IL1RAPL1: variants seen among roughly 807,000 people sequenced by gnomAD.
IL1RAPL1 encodes the protein interleukin 1 receptor accessory protein like 1, also known as interleukin-1 receptor accessory protein-like 1.
A neutral mutation model predicts 48.4 loss-of-function variants in IL1RAPL1; 3 were observed. The ratio of observed to expected loss-of-function variants is 0.06; its 90% confidence interval spans 0.03 to 0.16. IL1RAPL1 has a LOEUF of 0.16. Among genes scored for constraint, IL1RAPL1 ranks in the 10% least tolerant of loss-of-function variants. The probability of loss-of-function intolerance (pLI) is 1.00; values close to 1 mark genes in which losing one functional copy is unlikely to be tolerated. For synonymous variants in IL1RAPL1, 185 were observed against 187.7 expected, an observed-to-expected ratio of 0.99 and a Z score of 0.12; for missense variants, 349 against 530.6, an observed-to-expected ratio of 0.66 and a Z score of 3.36.
At chrX:28,636,634 G>A (rs1199491366) in intron 1 of IL1RAPL1, among the ~76,000 whole-genome samples, 1 of 111,666 alleles carries the variant, frequency 9.0e-6, no homozygotes, top group Non-Finnish European at 1.9e-5. Context: ...GTTAGTGTGT[G>A]GCTTTCAGCT....
At chrX:28,674,640 A>G (rs1176037167) in intron 1 of IL1RAPL1, among the ~76,000 whole-genome samples, 1 of 111,823 alleles carries the variant, frequency 8.9e-6, no homozygotes, top group Non-Finnish European at 1.9e-5. Context: ...TGGTTTTGGA[A>G]CATATGGTCC....
At chrX:29,254,117 G>T (rs1480409881) in intron 2 of IL1RAPL1, among the ~76,000 whole-genome samples, 2 of 110,682 alleles carry the variant, frequency 1.8e-5, no homozygotes, top group African/African-American at 6.6e-5. Flanking sequence ...ATTTATCCAG[G>T]GTTTGTTATG....
intron 5 of IL1RAPL1, among the ~76,000 whole-genome samples, chrX:29,491,565 A>G: frequency 1.8e-5 from 2 of 112,528 alleles, no homozygotes; most frequent in Non-Finnish European, 3.8e-5. Context: ...GCCTACAATT[A>G]CACAGGTAAT....
At chrX:29,381,465 A>G (rs1720727052) in intron 3 of IL1RAPL1, among the ~76,000 whole-genome samples, 1 of 81,285 alleles carries the variant, frequency 1.2e-5, no homozygotes, top group Non-Finnish European at 2.3e-5. Context: ...GACCAGCCTG[A>G]GTAACATAGG....
chrX:29,885,265 T>C (rs1932126709), intron 6 of IL1RAPL1, among the ~76,000 whole-genome samples: 1 of 112,132 alleles, frequency 8.9e-6, no homozygotes, highest in African/African-American at 3.2e-5. Flanking sequence ...CGATTTCTAT[T>C]TAAAATTGCA....
At chrX:28,713,203 G>A (rs980858961) in intron 1 of IL1RAPL1, among the ~76,000 whole-genome samples, 3 of 109,945 alleles carry the variant, frequency 2.7e-5, no homozygotes, top group Non-Finnish European at 3.8e-5. Flanking sequence ...ACAGGTGCCC[G>A]CCACCATGCC....
intron 2 of IL1RAPL1, among the ~76,000 whole-genome samples, chrX:29,055,776 G>A (rs1927200104): frequency 9.0e-6 from 1 of 111,694 alleles, no homozygotes; most frequent in South Asian, 3.7e-4. Context: ...AAGATTCATT[G>A]TTTTGTATAA....
At chrX:29,743,156 A>G (rs933738164) in intron 6 of IL1RAPL1, among the ~76,000 whole-genome samples, 7 of 108,525 alleles carry the variant, frequency 6.5e-5, no homozygotes, top group African/African-American at 2.3e-4. Context: ...TTATATATTA[A>G]TATAATGTAT....
chrX:29,411,345 G>C (rs1049317534), intron 5 of IL1RAPL1, among the ~76,000 whole-genome samples: 2 of 112,377 alleles, frequency 1.8e-5, no homozygotes, highest in African/African-American at 6.5e-5. Context: ...TGATGCCTGT[G>C]TGAGAGCATA....
intron 2 of IL1RAPL1, among the ~76,000 whole-genome samples, chrX:28,860,944 C>A (rs999252713): frequency 9.0e-6 from 1 of 111,103 alleles, no homozygotes; most frequent in Admixed American, 9.7e-5. Context: ...ATGTTTTTTA[C>A]AGTGTAAAAG....
intron 6 of IL1RAPL1, among the ~76,000 whole-genome samples, chrX:29,713,887 TTTAAG>T (rs1252775398): frequency 2.7e-5 from 3 of 112,222 alleles, no homozygotes; most frequent in Non-Finnish European, 5.6e-5. Flanking sequence ...TATAGTTTTT[TTTAAG>T]TTAAGTTTTA....
At chrX:28,876,691 T>C (rs929519828) in intron 2 of IL1RAPL1, among the ~76,000 whole-genome samples, 8 of 110,930 alleles carry the variant, frequency 7.2e-5, no homozygotes, top group Non-Finnish European at 1.5e-4. Flanking sequence ...TGCAGTTCAT[T>C]TGTGTATCCA....
intron 6 of IL1RAPL1, among the ~76,000 whole-genome samples, chrX:29,806,351 C>A (rs958607903): frequency 8.1e-5 from 9 of 111,343 alleles, no homozygotes; most frequent in African/African-American, 2.9e-4. Context: ...TATGTGTATT[C>A]TTCAATGGGA....
chrX:29,059,262 T>C (rs1289465506), intron 2 of IL1RAPL1, among the ~76,000 whole-genome samples: 4 of 112,022 alleles, frequency 3.6e-5, no homozygotes, highest in South Asian at 3.7e-4. Context: ...AGAACAACTA[T>C]TATACATTGA....
At chrX:28,942,142 G>A (rs1433250737) in intron 2 of IL1RAPL1, 1 of 109,744 alleles carries the variant, frequency 9.1e-6, no homozygotes, top group African/African-American at 3.3e-5. Context: ...ATTGCCATCG[G>A]GAAGTACTGG....
At chrX:28,777,051 T>C (rs1216561835) in intron 1 of IL1RAPL1, among the ~76,000 whole-genome samples, 1 of 112,202 alleles carries the variant, frequency 8.9e-6, no homozygotes, top group African/African-American at 3.2e-5. Context: ...CATAGATTTA[T>C]TCTTTTACAA....
intron 3 of IL1RAPL1, among the ~76,000 whole-genome samples, chrX:29,357,780 AACACATTT>A (rs1251861193): frequency 8.9e-6 from 1 of 112,332 alleles, no homozygotes; most frequent in Non-Finnish European, 1.9e-5. Context: ...TGAAAAGCAT[AACACATTT>A]GTTTAATCAA....
At chrX:29,599,368 G>A (rs1923647769) in intron 5 of IL1RAPL1, among the ~76,000 whole-genome samples, 1 of 111,949 alleles carries the variant, frequency 8.9e-6, no homozygotes, top group African/African-American at 3.2e-5. Context: ...TAGCTTGTAG[G>A]GTTTCTGCTA....
intron 2 of IL1RAPL1, among the ~76,000 whole-genome samples, chrX:29,201,256 CAT>C (rs1370613980): frequency 9.0e-6 from 1 of 111,369 alleles, no homozygotes; most frequent in African/African-American, 3.3e-5. Flanking sequence ...CAAATATTTG[CAT>C]AGTTATTTCA....
Sources: allele counts gnomAD v4.1 joint callset (sites outside exome capture counted in the v4.1 genomes callset), GRCh38; gene constraint gnomAD v4.1.1; transcripts MANE v1.5; gene names NCBI Gene and HGNC (gene_info 2026-07-23, HGNC 2026-07-21).